Variants in MAF observed in about 807,000 individuals in gnomAD.
MAF encodes transcription factor Maf.
MAF carries 10 observed loss-of-function variants against 22.0 expected under a neutral mutation model. The ratio of observed to expected loss-of-function variants is 0.45; its 90% CI spans 0.28 to 0.77. MAF has a LOEUF of 0.77. Among genes scored for constraint, MAF ranks in the 30% least tolerant of loss-of-function variants. The pLI, the probability that MAF is intolerant of heterozygous loss-of-function variation, is 0.12. For missense variants in MAF, 544 were observed against 548.4 expected (o/e 0.99, Z 0.08); for synonymous variants, 337 against 255.8 (o/e 1.32, Z -3.03).
chr16:79,341,992 A>G, the MAF span, among the ~76,000 whole-genome samples: 6,293 of 152,330 alleles, frequency 0.041, 412 homozygotes, highest in African/African-American at 0.14. Context: ...TATGAACAAC[A>G]ACAAAATTTA....
At chr16:79,286,323 C>A in the MAF span, among the ~76,000 whole-genome samples, 5 of 152,178 alleles carry the variant, frequency 3.3e-5, no homozygotes, top group African/African-American at 1.2e-4. Flanking sequence ...CCTACAGAAA[C>A]TATGGAACCT....
chr16:79,401,368 C>T, the MAF span, among the ~76,000 whole-genome samples: 6 of 152,154 alleles, frequency 3.9e-5, no homozygotes, highest in South Asian at 4.1e-4. Context: ...ACCCCATGAA[C>T]GGTCATCCAC....
chr16:79,352,917 G>A, the MAF span, among the ~76,000 whole-genome samples: 1 of 152,126 alleles, frequency 6.6e-6, no homozygotes, highest in Non-Finnish European at 1.5e-5. Context: ...AGAATCAAGT[G>A]GGATATGGTG....
At chr16:79,370,759 G>C in the MAF span, among the ~76,000 whole-genome samples, 1 of 152,132 alleles carries the variant, frequency 6.6e-6, no homozygotes, top group East Asian at 1.9e-4. Context: ...TCATTCTCTT[G>C]CCTACATAAC....
At chr16:79,473,734 A>G in the MAF span, among the ~76,000 whole-genome samples, 1 of 152,202 alleles carries the variant, frequency 6.6e-6, no homozygotes, top group South Asian at 2.1e-4. Context: ...AATAAAAATA[A>G]GTACTTAACC....
the MAF span, among the ~76,000 whole-genome samples, chr16:79,389,851 C>T: frequency 6.6e-6 from 1 of 151,534 alleles, no homozygotes; most frequent in Admixed American, 6.6e-5. Context: ...TGGTGGGCGC[C>T]TGTAGTCCCA....
At chr16:79,366,072 G>A in the MAF span, among the ~76,000 whole-genome samples, 1 of 152,068 alleles carries the variant, frequency 6.6e-6, no homozygotes, top group Non-Finnish European at 1.5e-5. Flanking sequence ...AGTTTCTGTT[G>A]TATTTTTTAT....
chr16:79,557,095 G>A, the MAF span, among the ~76,000 whole-genome samples: 1 of 151,482 alleles, frequency 6.6e-6, no homozygotes, highest in African/African-American at 2.4e-5. Context: ...TCGCACCACA[G>A]CACCACAGCA....
chr16:79,286,428 T>C, the MAF span, among the ~76,000 whole-genome samples: 1 of 152,184 alleles, frequency 6.6e-6, no homozygotes, highest in Non-Finnish European at 1.5e-5. Context: ...TAGCAGATAG[T>C]TTCATAGCAT....
At chr16:79,352,651 G>A in the MAF span, among the ~76,000 whole-genome samples, 28 of 152,316 alleles carry the variant, frequency 1.8e-4, no homozygotes, top group East Asian at 5.4e-3. Flanking sequence ...CTAATAAAAA[G>A]TAGAGGCAGA....
chr16:79,275,513 G>A, the MAF span, among the ~76,000 whole-genome samples: 1 of 152,196 alleles, frequency 6.6e-6, no homozygotes, highest in African/African-American at 2.4e-5. Context: ...AGCAAGGAAA[G>A]TCACTTGCTC....
the MAF span, among the ~76,000 whole-genome samples, chr16:79,400,543 G>A: frequency 2.6e-5 from 4 of 152,328 alleles, no homozygotes; most frequent in South Asian, 4.1e-4. Flanking sequence ...TATGCATCAC[G>A]TCATTTGTTT....
At chr16:79,411,414 T>G in the MAF span, among the ~76,000 whole-genome samples, 18 of 152,214 alleles carry the variant, frequency 1.2e-4, no homozygotes, top group African/African-American at 4.1e-4. Flanking sequence ...CTGAACCTTT[T>G]ATTTTGTGTA....
At chr16:79,541,343 G>A in the MAF span, among the ~76,000 whole-genome samples, 1 of 152,096 alleles carries the variant, frequency 6.6e-6, no homozygotes, top group Admixed American at 6.6e-5. Context: ...CTATGCACCT[G>A]TTCGTGCAGA....
the MAF span, among the ~76,000 whole-genome samples, chr16:79,510,273 T>C: frequency 6.6e-6 from 1 of 152,232 alleles, no homozygotes; most frequent in African/African-American, 2.4e-5. Flanking sequence ...TTGCCTCCTC[T>C]TGGCTTCTTC....
the MAF span, among the ~76,000 whole-genome samples, chr16:79,413,103 A>ATACAT: frequency 6.6e-6 from 1 of 151,854 alleles, no homozygotes; most frequent in Admixed American, 6.6e-5. Flanking sequence ...TCATAAACTC[A>ATACAT]TACATACTCC....
the MAF span, among the ~76,000 whole-genome samples, chr16:79,253,208 G>C: frequency 2.2e-4 from 34 of 152,146 alleles, no homozygotes; most frequent in Admixed American, 9.8e-4. Context: ...TCCTGGGCCT[G>C]TTTTGGCAGA....
chr16:79,433,621 A>G, the MAF span, among the ~76,000 whole-genome samples: 2 of 152,200 alleles, frequency 1.3e-5, no homozygotes, highest in African/African-American at 4.8e-5. Context: ...TCAGATTATG[A>G]TAGAAAAGCT....
At chr16:79,593,085 AAAAC>A (rs367776072), downstream of MAF, among the ~76,000 whole-genome samples, 3 of 152,204 alleles carry the variant, frequency 2.0e-5, no homozygotes, top group African/African-American at 4.8e-5. Flanking sequence ...AAAACAGAAA[AAAAC>A]AAACAAACAA....
Sources: gnomAD v4.1 joint callset for allele counts (sites outside exome capture counted in the v4.1 genomes callset) on GRCh38, gnomAD v4.1.1 for gene constraint, MANE v1.5 for transcripts, NCBI Gene and HGNC (gene_info 2026-07-23, HGNC 2026-07-21) for gene names.